The following LOXHD1 variants were observed in gnomAD, a reference collection of about 807,000 sequenced individuals.
LOXHD1 encodes lipoxygenase homology PLAT domains 1, also known as lipoxygenase homology domain-containing protein 1.
LOXHD1 carries 205 observed loss-of-function variants against 248.2 expected under a neutral mutation model. That is an observed-to-expected ratio of 0.83 (90% confidence interval 0.74 to 0.93). The LOEUF is 0.93. Ranked by LOEUF, LOXHD1 falls within the 40% of genes least tolerant of loss-of-function variation. The pLI is 0.00. For synonymous variants in LOXHD1, 1,113 were observed against 1,162.8 expected (o/e 0.96, Z 0.87); for missense variants, 2,930 against 2,971.6 (o/e 0.99, Z 0.33).
chr18:46,507,637 T>C lies in LOXHD1; in HGVS notation c.5593A>G (p.Lys1865Glu). The C allele has an allele frequency of 1.3e-6, 2 of 1,551,734 alleles. No homozygotes were observed. Among genetic ancestry groups the C allele is most frequent in the Non-Finnish European group, 1.7e-6 (2 of 1,146,992 alleles). Residue 1865 changes from lysine to glutamate, a missense_variant, in exon 36 of 41, where the codon AAG becomes GAG. Transcript: ENST00000642948. ...YGDWLSQRKG[K>E]KTLVCEMCAV... ...CACATTTCACACACCAGGGTCTTCT[T>C]GCCCTTCCGCTGGGACAGCCAGTCT... is the stretch of plus-strand genomic sequence containing the variant.
intron 4 of LOXHD1, among the ~76,000 whole-genome samples, chr18:46,622,276 A>C (rs937575893): frequency 6.6e-6 from 1 of 152,246 alleles, no homozygotes; most frequent in African/African-American, 2.4e-5. Context: ...ACAATAGACA[A>C]TATTACATAA....
chr18:46,560,892 A>G (rs1353458965), intron 18 of LOXHD1, among the ~76,000 whole-genome samples: 3 of 151,860 alleles, frequency 2.0e-5, no homozygotes, highest in Admixed American at 2.0e-4. Flanking sequence ...TTCTGTCCCT[A>G]TCATGGCTCA....
At chr18:46,637,825 A>G (rs1243416887) in intron 4 of LOXHD1, among the ~76,000 whole-genome samples, 4 of 152,202 alleles carry the variant, frequency 2.6e-5, no homozygotes, top group Non-Finnish European at 5.9e-5. Context: ...GATACACCCT[A>G]TCTAGAGCAA....
chr18:46,614,332 A>G (rs571446686), intron 5 of LOXHD1, among the ~76,000 whole-genome samples: 28 of 150,096 alleles, frequency 1.9e-4, no homozygotes, highest in African/African-American at 5.8e-4. Context: ...ATGTTCATCA[A>G]TGATAGACTG....
rs376636291 is a variant in LOXHD1, at chr18:46,507,684, T to G, written c.5546A>C (p.Asp1849Ala). ...RILLKNMNTG[D>A]LTMFYYGDWL... is the part of the protein sequence containing the mutation. Reference sequence around the variant, plus strand: ...GTCTCCATAGTAGAACATGGTCAGGTCTCCAGTGTTCATGTTCTTCAGTAG... The same window carrying G: ...GTCTCCATAGTAGAACATGGTCAGGGCTCCAGTGTTCATGTTCTTCAGTAG... Residue 1849 changes from aspartate (D) to alanine (A), a missense_variant, in exon 36 of 41, where the codon GAC becomes GCC. Asp to Ala is a moderately radical substitution (Grantham distance 126). Transcript: ENST00000642948. 220 of 1,551,596 alleles carry G rather than the reference T, an allele frequency of 1.4e-4. No individual in the cohort carries two copies. The African/African-American group carries it at 2.6e-3, about 18-fold the overall frequency.
intron 34 of LOXHD1, among the ~76,000 whole-genome samples, chr18:46,516,593 C>G (rs1027401299): frequency 6.6e-6 from 1 of 152,136 alleles, no homozygotes; most frequent in Non-Finnish European, 1.5e-5. Flanking sequence ...ACCTTCATCA[C>G]AATTATCATC....
chr18:46,530,618 C>T (rs10502872), intron 28 of LOXHD1, among the ~76,000 whole-genome samples: 5,068 of 152,214 alleles, frequency 0.033, 305 homozygotes, highest in East Asian at 0.24. Flanking sequence ...ATGAGATGGC[C>T]TGTCTTATCA....
At chr18:46,533,568 G>A (rs1304819982) in intron 27 of LOXHD1, 55 of 484,442 alleles carry the variant, frequency 1.1e-4, no homozygotes, top group Non-Finnish European at 1.0e-4. Context: ...ATAGGTATCT[G>A]AACTCCATCC....
At chr18:46,529,034 A>C in intron 29 of LOXHD1, 143 bp downstream of exon 29, 1 of 981,996 alleles carries the variant, frequency 1.0e-6, no homozygotes, top group Non-Finnish European at 1.5e-6. Context: ...CTTGCAAGGG[A>C]AGGGCAAGGG....
chr18:46,642,827 C>T (rs1023760309), intron 2 of LOXHD1, among the ~76,000 whole-genome samples: 2 of 152,150 alleles, frequency 1.3e-5, no homozygotes, highest in African/African-American at 2.4e-5. Context: ...GGGGCCCCTG[C>T]CATTTGAGCC....
At chr18:46,649,007 G>GGTC in intron 2 of LOXHD1, 148 bp downstream of exon 2, 1 of 667,162 alleles carries the variant, frequency 1.5e-6, no homozygotes, top group East Asian at 2.7e-5. Flanking sequence ...GCTGGTACAC[G>GGTC]GTCTGTCATT....
At chr18:46,609,605 A>G (rs1310764075) in intron 6 of LOXHD1, among the ~76,000 whole-genome samples, 1 of 152,244 alleles carries the variant, frequency 6.6e-6, no homozygotes, top group Non-Finnish European at 1.5e-5. Flanking sequence ...TGATGTCTTC[A>G]TAACTGAGGG....
At chr18:46,590,925 T>A (rs926993774) in intron 12 of LOXHD1, among the ~76,000 whole-genome samples, 1 of 152,160 alleles carries the variant, frequency 6.6e-6, no homozygotes, top group Non-Finnish European at 1.5e-5. Context: ...AAAAGAAACA[T>A]GATGCTAATT....
chr18:46,654,726 G>A (rs2039157838), intron 1 of LOXHD1, among the ~76,000 whole-genome samples: 2 of 152,234 alleles, frequency 1.3e-5, no homozygotes, highest in Admixed American at 6.5e-5. Context: ...CGTTGTTCTA[G>A]CACTGAGAGG....
intron 4 of LOXHD1, among the ~76,000 whole-genome samples, chr18:46,631,412 G>A (rs763189513): frequency 3.9e-5 from 6 of 152,286 alleles, no homozygotes; most frequent in East Asian, 3.9e-4. Flanking sequence ...CTCCCTGCCC[G>A]TGAGATTCCT....
chr18:46,577,718 G>A lies in LOXHD1; in HGVS notation c.1959C>T (p.Phe653=). The A allele has an allele frequency of 6.4e-7, 1 of 1,551,154 alleles. No homozygotes were observed. Among genetic ancestry groups the A allele is most frequent in the Non-Finnish European group, 8.7e-7 (1 of 1,146,608 alleles). The change falls in exon 14 of 41, where the codon TTC becomes TTT. Residue 653 remains phenylalanine, a synonymous_variant. Coordinates refer to ENST00000642948, the MANE Select transcript of LOXHD1 (RefSeq NM_001384474.1). ...EGQPESDNVE[F]PCLRWLDKDK... The stretch of plus-strand genomic sequence containing the variant: ...CAGGACGCATGTACCTGAGACATGG[G>A]AACTCCACGTTGTCGCTCTCAGGCT...
intron 34 of LOXHD1, among the ~76,000 whole-genome samples, chr18:46,510,031 C>T (rs1478519220): frequency 6.6e-6 from 1 of 152,154 alleles, no homozygotes; most frequent in Non-Finnish European, 1.5e-5. Flanking sequence ...AGAAATGGCC[C>T]CGAACCAAGA....
chr18:46,618,384 C>T lies in LOXHD1; in HGVS notation c.512-94G>A, dbSNP rs2038620658. On this transcript the variant is annotated intron_variant, in intron 4 of 40. Transcript: ENST00000642948. The stretch of plus-strand genomic sequence containing the variant: ...AGCTACCACACCATCTACACTTACC[C>T]CCAGCAATGCATAAATTGTCACCAT... The T allele has an allele frequency of 1.3e-5, 10 of 774,988 alleles. No individual in the cohort carries two copies. In the East Asian group the frequency reaches 2.7e-4, roughly 21 times the overall value. The allele number at this position is 774,988 out of a possible 1,614,324, so 48.0% of individuals were successfully genotyped here.
intron 27 of LOXHD1, chr18:46,533,738 A>G (rs931094136): frequency 7.9e-5 from 26 of 329,902 alleles, no homozygotes; most frequent in African/African-American, 5.1e-4. Flanking sequence ...AGCTTGGCCA[A>G]CATGGTGAAA....
Sources: gnomAD v4.1 joint callset for allele counts (sites outside exome capture counted in the v4.1 genomes callset) on GRCh38, gnomAD v4.1.1 for gene constraint, MANE v1.5 for transcripts, NCBI Gene and HGNC (gene_info 2026-07-23, HGNC 2026-07-21) for gene names.